The following KATNBL1 variants were observed in gnomAD, a reference collection of about 807,000 sequenced individuals.
KATNBL1 encodes the protein katanin regulatory subunit B1 like 1.
In KATNBL1, 28 loss-of-function variants were observed where a neutral mutation model predicts 44.7. The ratio of observed to expected loss-of-function variants is 0.63; its 90% CI spans 0.46 to 0.86. KATNBL1 has a LOEUF of 0.86. Among genes scored for constraint, KATNBL1 ranks in the 40% least tolerant of loss-of-function variants. The pLI, the probability that KATNBL1 is intolerant of heterozygous loss-of-function variation, is 0.00. For missense variants in KATNBL1, 272 were observed against 350.7 expected, an observed-to-expected ratio of 0.78 and a Z score of 1.79; for synonymous variants, 78 against 114.9, an observed-to-expected ratio of 0.68 and a Z score of 2.06.
intron 1 of KATNBL1, among the ~76,000 whole-genome samples, chr15:34,172,756 CACAG>C (rs1290499722): frequency 1.4e-4 from 10 of 70,942 alleles, no homozygotes; most frequent in Non-Finnish European, 1.1e-4. Flanking sequence ...GACACACAGA[CACAG>C]ACACACACAC....
chr15:34,170,137 G>C (rs954344381), intron 1 of KATNBL1, among the ~76,000 whole-genome samples: 1 of 152,174 alleles, frequency 6.6e-6, no homozygotes, highest in Non-Finnish European at 1.5e-5. Context: ...TAGGAAAAGA[G>C]GAAGTCAAAT....
At chr15:34,171,886 T>C (rs537905753) in intron 1 of KATNBL1, among the ~76,000 whole-genome samples, 33 of 136,178 alleles carry the variant, frequency 2.4e-4, no homozygotes, top group African/African-American at 8.7e-4. Flanking sequence ...AACTGAACAA[T>C]GAGAACACTT....
intron 4 of KATNBL1, among the ~76,000 whole-genome samples, chr15:34,151,137 T>A (rs1297137395): frequency 1.3e-5 from 2 of 152,212 alleles, no homozygotes; most frequent in Non-Finnish European, 2.9e-5. Context: ...ATAATAAGAT[T>A]GTTTTAAGTT....
chr15:34,198,915 T>C (rs1185409676), intron 1 of KATNBL1, among the ~76,000 whole-genome samples: 1 of 152,236 alleles, frequency 6.6e-6, no homozygotes, highest in East Asian at 1.9e-4. Flanking sequence ...TTGCTAGTTT[T>C]GTTTTGCACT....
At position 34,152,776 on chromosome 15, in the gene KATNBL1, G is replaced by A. The variant is rs752882964; in HGVS notation, c.438+14C>T. The A allele has an allele frequency of 1.8e-5, 28 of 1,593,150 alleles. No homozygotes were observed. Among genetic ancestry groups the A allele is most frequent in the Non-Finnish European group, 2.4e-5 (28 of 1,167,466 alleles). On this transcript the variant is annotated intron_variant, in intron 4 of 9. Coordinates refer to ENST00000256544, the MANE Select transcript of KATNBL1 (RefSeq NM_024713.3). ...ACAAAGTTAAACTAGATATGAGTTA[G>A]AGAAAAGACTTACCTCAGAAAAAAA...
chr15:34,185,708 T>TG (rs1258926915), intron 1 of KATNBL1, among the ~76,000 whole-genome samples: 2 of 152,090 alleles, frequency 1.3e-5, no homozygotes, highest in Non-Finnish European at 2.9e-5. Flanking sequence ...GCTCAGGAAA[T>TG]GGAAGATCGG....
At chr15:34,166,290 T>C (rs569433072) in intron 1 of KATNBL1, among the ~76,000 whole-genome samples, 1 of 152,248 alleles carries the variant, frequency 6.6e-6, no homozygotes, top group Non-Finnish European at 1.5e-5. Context: ...TTCTATCCTA[T>C]GCCTGGCTCG....
At chr15:34,179,455 C>T (rs1240527143) in intron 1 of KATNBL1, among the ~76,000 whole-genome samples, 5 of 152,170 alleles carry the variant, frequency 3.3e-5, no homozygotes, top group African/African-American at 1.2e-4. Flanking sequence ...AAGTTTCCAA[C>T]ACGTGAACTC....
At chr15:34,149,285 A>G (rs565185865) in intron 4 of KATNBL1, among the ~76,000 whole-genome samples, 1 of 152,244 alleles carries the variant, frequency 6.6e-6, no homozygotes, top group East Asian at 1.9e-4. Context: ...TAACAGACTG[A>G]TATGTATCTT....
At chr15:34,170,035 C>G (rs554774629) in intron 1 of KATNBL1, among the ~76,000 whole-genome samples, 42 of 152,216 alleles carry the variant, frequency 2.8e-4, no homozygotes, top group East Asian at 2.5e-3. Context: ...GCACAAGACA[C>G]GGATGCCCTC....
At chr15:34,153,150 C>A in intron 3 of KATNBL1, 81 bp from the exon 4 acceptor site, 2 of 911,096 alleles carry the variant, frequency 2.2e-6, no homozygotes, top group South Asian at 2.0e-5. Flanking sequence ...AATTAATAGG[C>A]TATATTTGGT....
chr15:34,205,585 T>C (rs1035792746), intron 1 of KATNBL1, among the ~76,000 whole-genome samples: 3 of 152,168 alleles, frequency 2.0e-5, no homozygotes, highest in Non-Finnish European at 4.4e-5. Flanking sequence ...AAGTGAACAA[T>C]AGACACTTTG....
At chr15:34,164,947 C>T (rs1888919251) in intron 1 of KATNBL1, among the ~76,000 whole-genome samples, 1 of 152,200 alleles carries the variant, frequency 6.6e-6, no homozygotes, top group African/African-American at 2.4e-5. Context: ...GGCATATTCT[C>T]AATTCTCCAA....
intron 4 of KATNBL1, among the ~76,000 whole-genome samples, chr15:34,151,329 A>C (rs1888463022): frequency 6.6e-6 from 1 of 151,008 alleles, no homozygotes; most frequent in Non-Finnish European, 1.5e-5. Flanking sequence ...GCATTTCTCT[A>C]ATGATGAGTG....
chr15:34,199,726 G>C (rs1233710374), intron 1 of KATNBL1: 1 of 152,272 alleles, frequency 6.6e-6, no homozygotes, highest in African/African-American at 2.4e-5. Context: ...TCGTAGTCTG[G>C]CCGAATTCAA....
At chr15:34,181,648 A>G (rs926634310) in intron 1 of KATNBL1, among the ~76,000 whole-genome samples, 1 of 104,776 alleles carries the variant, frequency 9.5e-6, no homozygotes, top group Non-Finnish European at 2.2e-5. Context: ...ATACACATAT[A>G]TATGTCCATA....
At chr15:34,154,482 G>A (rs1317298012) in intron 3 of KATNBL1, among the ~76,000 whole-genome samples, 162 bp downstream of exon 3, 2 of 152,252 alleles carry the variant, frequency 1.3e-5, no homozygotes, top group East Asian at 3.9e-4. Context: ...AAGGAGCAGA[G>A]ACAATATTGA....
At chr15:34,184,147 T>C (rs1331296792) in intron 1 of KATNBL1, among the ~76,000 whole-genome samples, 2 of 151,662 alleles carry the variant, frequency 1.3e-5, no homozygotes, top group East Asian at 1.9e-4. Context: ...ACTGAAAAAA[T>C]ACAAAAGAAT....
rs148352723 is a variant in KATNBL1, at chr15:34,184,507, C to G, written c.-14-20817G>C. 1.3e-4 allele frequency among the ~76,000 whole-genome samples: 20 copies of G among 149,662 alleles called. No individual in the cohort carries two copies. The East Asian group carries it at 3.7e-3, about 28-fold the overall frequency. ...TCTCAAAAAAAAAAAAAAAGGAACTCCTAAACTCATTGTAAGTATCCTTAA... is the reference window on the plus strand; with the variant it reads ...TCTCAAAAAAAAAAAAAAAGGAACTGCTAAACTCATTGTAAGTATCCTTAA... On this transcript the variant is annotated intron_variant, in intron 1 of 9. Transcript: ENST00000256544.
Sources: gnomAD v4.1 joint callset for allele counts (sites outside exome capture counted in the v4.1 genomes callset) on GRCh38, gnomAD v4.1.1 for gene constraint, MANE v1.5 for transcripts, NCBI Gene and HGNC (gene_info 2026-07-23, HGNC 2026-07-21) for gene names.